ADAMTS3: variants seen among roughly 807,000 people sequenced by gnomAD.
The protein encoded by ADAMTS3 is ADAM metallopeptidase with thrombospondin type 1 motif 3, also known as A disintegrin and metalloproteinase with thrombospondin motifs 3.
A neutral mutation model predicts 129.0 loss-of-function variants in ADAMTS3; 73 were observed. The ratio of observed to expected loss-of-function variants is 0.57; its 90% confidence interval spans 0.47 to 0.69. The LOEUF (loss-of-function observed/expected upper bound fraction) is 0.69. Among genes scored for constraint, ADAMTS3 ranks in the 30% least tolerant of loss-of-function variants. ADAMTS3 has a pLI of 0.00. For missense variants in ADAMTS3, 1,457 were observed against 1,514.5 expected, an observed-to-expected ratio of 0.96 and a Z score of 0.63; for synonymous variants, 477 against 510.8, an observed-to-expected ratio of 0.93 and a Z score of 0.89.
At chr4:72,408,716 A>T (rs1311553214) in intron 4 of ADAMTS3, among the ~76,000 whole-genome samples, 1 of 146,450 alleles carries the variant, frequency 6.8e-6, no homozygotes, top group Non-Finnish European at 1.5e-5. Flanking sequence ...AAAAAAAAAG[A>T]AGTACAGGCT....
intron 3 of ADAMTS3, among the ~76,000 whole-genome samples, chr4:72,436,907 A>G (rs1717950363): frequency 6.6e-6 from 1 of 151,960 alleles, no homozygotes; most frequent in East Asian, 1.9e-4. Flanking sequence ...TCTAACATAA[A>G]TGACGAGTTA....
At chr4:72,429,899 T>C (rs1452047345) in intron 3 of ADAMTS3, among the ~76,000 whole-genome samples, 1 of 151,986 alleles carries the variant, frequency 6.6e-6, no homozygotes, top group South Asian at 2.1e-4. Flanking sequence ...CTTTAAAGTG[T>C]AAATAAATCA....
chr4:72,358,963 G>C (rs1046012071), intron 4 of ADAMTS3, among the ~76,000 whole-genome samples: 2 of 151,698 alleles, frequency 1.3e-5, no homozygotes, highest in African/African-American at 4.8e-5. Context: ...GAGGTATGAG[G>C]CCTTCCAAAA....
chr4:72,386,066 T>G lies in ADAMTS3; in HGVS notation c.661+28749A>C, dbSNP rs114485799. 6.0e-3 allele frequency among the ~76,000 whole-genome samples: 906 copies of G among 152,212 alleles called. 11 individuals are homozygous for G. The highest frequency in any genetic ancestry group is 0.021 in the African/African-American group (874 of 41,550). On this transcript the variant is annotated intron_variant, in intron 4 of 21. Coordinates refer to ENST00000286657, the MANE Select transcript of ADAMTS3 (RefSeq NM_014243.3). ...TTCTGATTTCCAGCCATCATCTATA[T>G]GGGTATATACTTGCTATGGAGTTAT... is the stretch of plus-strand genomic sequence containing the variant.
chr4:72,399,553 T>C (rs756280817), intron 4 of ADAMTS3, among the ~76,000 whole-genome samples: 1 of 152,186 alleles, frequency 6.6e-6, no homozygotes, highest in East Asian at 1.9e-4. Context: ...GGTACTGTGC[T>C]AGACCCTTGA....
rs142878486 is a variant in ADAMTS3 at position 72,307,529 on chromosome 4, T to C, written c.2180-1462A>G. On this transcript the variant is annotated intron_variant, in intron 15 of 21. Transcript: ENST00000286657. ...TAGAATGTCTTTAATTAGTGGAGGG[T>C]TCATGTTTATCAAAGTCTTGTTGTT... Among the ~76,000 whole-genome samples, 629 of 151,994 alleles carry C rather than the reference T, an allele frequency of 4.1e-3. 14 individuals carry two copies. The highest frequency in any genetic ancestry group is 0.025 in the Admixed American group (375 of 15,222).
At chr4:72,501,159 G>A (rs1238561168) in intron 3 of ADAMTS3, among the ~76,000 whole-genome samples, 1 of 152,046 alleles carries the variant, frequency 6.6e-6, no homozygotes, top group East Asian at 1.9e-4. Context: ...AAATGACATT[G>A]GTAGCTTGAG....
At chr4:72,384,039 G>C (rs1721372042) in intron 4 of ADAMTS3, among the ~76,000 whole-genome samples, 1 of 151,704 alleles carries the variant, frequency 6.6e-6, no homozygotes, top group South Asian at 2.1e-4. Flanking sequence ...TAAAAATCAA[G>C]TGGACAAGTT....
At position 72,462,353 on chromosome 4, in the gene ADAMTS3, T is replaced by C. The variant is rs72853009; in HGVS notation, c.505-47382A>G. The stretch of plus-strand genomic sequence containing the variant: ...ATGATTTATACTTGCTTCGTTTTTG[T>C]GCTGTTAGTTCTAAAAAGTCTCATC... On this transcript the variant is annotated intron_variant, in intron 3 of 21. Coordinates refer to ENST00000286657, the MANE Select transcript of ADAMTS3 (RefSeq NM_014243.3). Among the ~76,000 whole-genome samples the C allele has an allele frequency of 7.5e-3, 1,135 of 152,106 alleles. 25 individuals carry two copies. The highest frequency in any genetic ancestry group is 0.026 in the African/African-American group (1,078 of 41,538).
At chr4:72,486,681 C>T (rs1054999629) in intron 3 of ADAMTS3, among the ~76,000 whole-genome samples, 1 of 152,108 alleles carries the variant, frequency 6.6e-6, no homozygotes, top group Non-Finnish European at 1.5e-5. Context: ...AAACAGACTG[C>T]ATGACCAGAT....
intron 3 of ADAMTS3, among the ~76,000 whole-genome samples, chr4:72,433,824 T>C (rs182777708): frequency 6.6e-6 from 1 of 152,002 alleles, no homozygotes; most frequent in Non-Finnish European, 1.5e-5. Context: ...ATATGCTAGC[T>C]GATCAATGAT....
At position 72,283,379 on chromosome 4, in the gene ADAMTS3, A is replaced by G; in HGVS notation, c.3375T>C (p.Asp1125=). 1 of 1,613,620 alleles carries G rather than the reference A, an allele frequency of 6.2e-7. No individual in the cohort carries two copies. Among genetic ancestry groups the G allele is most frequent in the Non-Finnish European group, 8.5e-7 (1 of 1,179,612 alleles). The change falls in exon 22 of 22, where the codon GAT becomes GAC. Residue 1125 remains aspartate, a synonymous_variant. Transcript: ENST00000286657. Reference sequence around the variant, plus strand: ...CACTCCTCTGGCGTAAATTAGCACCATCAGGTTTACTGTTTGGCCTGAAAG... The same window carrying G: ...CACTCCTCTGGCGTAAATTAGCACCGTCAGGTTTACTGTTTGGCCTGAAAG... The part of the protein sequence containing the change: ...YAAFRPNSKP[D]GANLRQRSAQ...
rs762459390 is a variant in ADAMTS3, at chr4:72,318,668, A to G, written c.1389T>C (p.His463=). The change falls in exon 10 of 22, where the codon CAT becomes CAC. Residue 463 remains histidine (H), a synonymous_variant. Coordinates refer to ENST00000286657, the MANE Select transcript of ADAMTS3 (RefSeq NM_014243.3). ...YDCLLDDPFD[H]DWPKLPELPG... is the part of the protein sequence containing the mutation. ...GAAGTTCTGGGAGTTTAGGCCAATC[A>G]TGATCAAAAGGGTCATCAAGGAGAC... 6.2e-7 allele frequency: 1 copy of G among 1,613,902 alleles called. No individual in the cohort carries two copies. The highest frequency in any genetic ancestry group is 1.1e-5 in the South Asian group (1 of 91,074).
intron 4 of ADAMTS3, among the ~76,000 whole-genome samples, chr4:72,364,800 G>A (rs1720828231): frequency 6.6e-6 from 1 of 151,918 alleles, no homozygotes; most frequent in Non-Finnish European, 1.5e-5. Flanking sequence ...TGTTGCCCAG[G>A]CTGGTCTCAA....
intron 8 of ADAMTS3, 76 bp downstream of exon 8, chr4:72,319,782 A>G (rs2109807456): frequency 8.1e-7 from 1 of 1,242,050 alleles, no homozygotes; most frequent in Admixed American, 1.9e-5. Context: ...CATTCTGCCC[A>G]AAGAGGAAAC....
intron 3 of ADAMTS3, among the ~76,000 whole-genome samples, chr4:72,486,254 G>A (rs1169936039): frequency 1.3e-5 from 2 of 152,082 alleles, no homozygotes; most frequent in African/African-American, 2.4e-5. Flanking sequence ...GTTTCTAGAT[G>A]GCACAGCCAA....
intron 6 of ADAMTS3, 42 bp downstream of exon 6, chr4:72,322,972 C>T: frequency 6.8e-7 from 1 of 1,474,592 alleles, no homozygotes; most frequent in Admixed American, 1.7e-5. Context: ...ATTTGCTAAC[C>T]CAGTCCCTAA....
At chr4:72,336,404 T>C (rs1159147286) in intron 5 of ADAMTS3, among the ~76,000 whole-genome samples, 1 of 152,216 alleles carries the variant, frequency 6.6e-6, no homozygotes, top group Non-Finnish European at 1.5e-5. Context: ...TATTTGAACA[T>C]CGTTAGAGAA....
intron 21 of ADAMTS3, among the ~76,000 whole-genome samples, chr4:72,286,549 C>A (rs1185697361): frequency 6.6e-6 from 1 of 152,182 alleles, no homozygotes; most frequent in Non-Finnish European, 1.5e-5. Context: ...CAAGATAGTG[C>A]TTTGCCAATT....
Sources: gnomAD v4.1 joint callset for allele counts (sites outside exome capture counted in the v4.1 genomes callset) on GRCh38, gnomAD v4.1.1 for gene constraint, MANE v1.5 for transcripts, NCBI Gene and HGNC (gene_info 2026-07-23, HGNC 2026-07-21) for gene names.